DLGAP2: variants seen among roughly 807,000 people sequenced by gnomAD.
DLGAP2 encodes the protein DLG associated protein 2, also known as disks large-associated protein 2.
In DLGAP2, 26 loss-of-function variants were observed where a neutral mutation model predicts 100.3. The observed-to-expected ratio is 0.26, with a 90% CI of 0.19 to 0.36. The LOEUF (loss-of-function observed/expected upper bound fraction) is 0.36. DLGAP2 is among the 10% of genes least tolerant of loss of function. The pLI is 1.00. For synonymous variants in DLGAP2, 886 were observed against 630.1 expected (o/e 1.41, Z -6.08); for missense variants, 1,858 against 1,453.2 (o/e 1.28, Z -4.53).
chr8:1,085,788 TTTCTGTATC>T (rs1803955523), intron 2 of DLGAP2, among the ~76,000 whole-genome samples: 1 of 152,218 alleles, frequency 6.6e-6, no homozygotes, highest in Non-Finnish European at 1.5e-5. Flanking sequence ...AGAATTGTTT[TTTCTGTATC>T]TACAAGGAAT....
intron 1 of DLGAP2, among the ~76,000 whole-genome samples, chr8:760,770 C>T (rs369359997): frequency 3.2e-4 from 49 of 152,300 alleles, no homozygotes; most frequent in African/African-American, 1.1e-3. Flanking sequence ...GGGAGTTGCA[C>T]GCATGCACCT....
rs566054128 is a variant in DLGAP2, at chr8:887,525, C to T, written c.19-20387C>T. 3.3e-5 allele frequency among the ~76,000 whole-genome samples: 5 copies of T among 152,158 alleles called. No homozygotes were observed. The South Asian group carries it at 1.0e-3, about 32-fold the overall frequency. On this transcript the variant is annotated intron_variant, in intron 1 of 14. Transcript: ENST00000637795. ...GTGGCTGGTACCAGTTTTTCCTTTC[C>T]ATATTTAGTGCTTCTTTCAGGAGCT...
At chr8:771,983 G>A (rs1382760749) in intron 1 of DLGAP2, among the ~76,000 whole-genome samples, 1 of 151,558 alleles carries the variant, frequency 6.6e-6, no homozygotes, top group Non-Finnish European at 1.5e-5. Context: ...GCTCACTATA[G>A]CCTCCAACTC....
At chr8:1,269,258 C>G (rs1357438644) in intron 3 of DLGAP2, among the ~76,000 whole-genome samples, 48 of 152,308 alleles carry the variant, frequency 3.2e-4, no homozygotes. Context: ...GGACACCATG[C>G]TGGGTGCCGG....
At chr8:858,520 AC>A (rs1185181433) in intron 1 of DLGAP2, among the ~76,000 whole-genome samples, 2 of 151,920 alleles carry the variant, frequency 1.3e-5, no homozygotes, top group Non-Finnish European at 2.9e-5. Context: ...TGGTGCTGTC[AC>A]CGTGGGCACG....
chr8:1,458,760 A>T (rs1475562320), intron 3 of DLGAP2, among the ~76,000 whole-genome samples: 1 of 152,164 alleles, frequency 6.6e-6, no homozygotes, highest in Non-Finnish European at 1.5e-5. Flanking sequence ...GTCGGCTTTG[A>T]GAGAACACAG....
chr8:1,146,875 C>T (rs13275958), intron 2 of DLGAP2, among the ~76,000 whole-genome samples: 65,706 of 152,112 alleles, frequency 0.43, 15,646 homozygotes, highest in Non-Finnish European at 0.55. Context: ...TTGTCAAACA[C>T]TGAGCCAATT....
chr8:1,307,531 AGAAGTG>A (rs1275382228), intron 3 of DLGAP2, among the ~76,000 whole-genome samples: 1 of 152,240 alleles, frequency 6.6e-6, no homozygotes, highest in Non-Finnish European at 1.5e-5. Context: ...TACACCCAAA[AGAAGTG>A]GAAGCAGGGC....
At chr8:1,317,191 C>T (rs1243629029) in intron 3 of DLGAP2, among the ~76,000 whole-genome samples, 1 of 128,460 alleles carries the variant, frequency 7.8e-6, no homozygotes, top group African/African-American at 3.2e-5. Flanking sequence ...GTGAGTGCAG[C>T]GTCTCTCCAA....
chr8:989,027 C>G (rs1027149976), intron 2 of DLGAP2, among the ~76,000 whole-genome samples: 4 of 152,228 alleles, frequency 2.6e-5, no homozygotes, highest in Admixed American at 2.6e-4. Context: ...GACCTTGTCT[C>G]TGCTGTCGAG....
intron 2 of DLGAP2, among the ~76,000 whole-genome samples, chr8:1,193,471 C>G (rs1231157634): frequency 6.6e-6 from 1 of 152,198 alleles, no homozygotes; most frequent in Non-Finnish European, 1.5e-5. Flanking sequence ...TAAATGTCTT[C>G]TTTTGAGAAG....
At chr8:1,427,124 A>C (rs1041765690) in intron 3 of DLGAP2, among the ~76,000 whole-genome samples, 1 of 152,200 alleles carries the variant, frequency 6.6e-6, no homozygotes, top group African/African-American at 2.4e-5. Flanking sequence ...TTAAAAATCC[A>C]ATTAATCAGG....
At chr8:1,200,069 G>A (rs886781090) in intron 2 of DLGAP2, among the ~76,000 whole-genome samples, 13 of 152,134 alleles carry the variant, frequency 8.5e-5, no homozygotes, top group South Asian at 6.2e-4. Flanking sequence ...GGACGACTCC[G>A]TACAGGGAAG....
chr8:873,503 C>T (rs1344617885), intron 1 of DLGAP2, among the ~76,000 whole-genome samples: 1 of 152,156 alleles, frequency 6.6e-6, no homozygotes, highest in Non-Finnish European at 1.5e-5. Context: ...AACTTTCCTT[C>T]TATTTCTAAC....
At chr8:1,536,018 C>A (rs73672791) in intron 4 of DLGAP2, among the ~76,000 whole-genome samples, 19,903 of 152,208 alleles carry the variant, frequency 0.13, 1,833 homozygotes, top group African/African-American at 0.26. Context: ...TATAATGTAA[C>A]AGTCATGACA....
intron 3 of DLGAP2, among the ~76,000 whole-genome samples, chr8:1,304,066 C>T (rs1403232643): frequency 6.6e-6 from 1 of 152,230 alleles, no homozygotes; most frequent in Non-Finnish European, 1.5e-5. Flanking sequence ...AGGTCAGCAG[C>T]AGAATTGGGG....
chr8:1,476,391 G>T (rs973038804), intron 3 of DLGAP2, among the ~76,000 whole-genome samples: 5 of 151,512 alleles, frequency 3.3e-5, no homozygotes, highest in Non-Finnish European at 5.9e-5. Flanking sequence ...TTCCCATCGC[G>T]CCTGTGACTT....
chr8:1,294,913 G>T (rs1465040768), intron 3 of DLGAP2, among the ~76,000 whole-genome samples: 3 of 149,832 alleles, frequency 2.0e-5, no homozygotes, highest in East Asian at 2.0e-4. Context: ...TACTAATTTT[G>T]TTATGTAGCA....
intron 2 of DLGAP2, chr8:1,248,897 C>G (rs892812706): frequency 6.6e-6 from 1 of 152,188 alleles, no homozygotes; most frequent in African/African-American, 2.4e-5. Flanking sequence ...CTTGAGGACA[C>G]CTTTGGCATA....
Sources: allele counts gnomAD v4.1 joint callset (sites outside exome capture counted in the v4.1 genomes callset), GRCh38; gene constraint gnomAD v4.1.1; transcripts MANE v1.5; gene names NCBI Gene and HGNC (gene_info 2026-07-23, HGNC 2026-07-21).